BEAN1: variants seen among roughly 807,000 people sequenced by gnomAD.
The protein encoded by BEAN1 is protein BEAN1.
Under a neutral mutation model 17.7 loss-of-function variants are expected in BEAN1, and 17 were observed. The ratio of observed to expected loss-of-function variants is 0.96; its 90% confidence interval spans 0.66 to 1.44. The LOEUF (loss-of-function observed/expected upper bound fraction) is 1.44, where lower values mean the gene tolerates loss of function less well. Ranked by LOEUF, BEAN1 falls within the 40% of genes most tolerant of loss-of-function variation. The probability of loss-of-function intolerance (pLI) is 0.00; values close to 1 mark genes in which losing one functional copy is unlikely to be tolerated. For synonymous variants in BEAN1, 142 were observed against 151.8 expected (o/e 0.94, Z 0.47); for missense variants, 359 against 374.1 (o/e 0.96, Z 0.33).
downstream of BEAN1, among the ~76,000 whole-genome samples, chr16:66,487,379 G>A (rs1350156683): frequency 6.6e-6 from 1 of 152,154 alleles, no homozygotes; most frequent in Non-Finnish European, 1.5e-5. Context: ...CAGACTAGGG[G>A]CCTGGAATTG....
At chr16:66,489,165 T>C (rs1336960737) in intron 4 of BEAN1, among the ~76,000 whole-genome samples, 1 of 144,610 alleles carries the variant, frequency 6.9e-6, no homozygotes, top group Non-Finnish European at 1.5e-5. Flanking sequence ...AGAGCGAAAC[T>C]CCATCTCAAA....
rs1416133590 is a variant in BEAN1 at position 66,482,718 on chromosome 16, A to G, written c.*1793A>G. On this transcript the variant is annotated 3_prime_UTR_variant, in exon 5 of 5. Coordinates refer to ENST00000536005, the MANE Select transcript of BEAN1 (RefSeq NM_001178020.3). ...CTACTCATCAGTGTTTGAAAGATGG[A>G]GCTGAATAGCTTTTCTTGTTCCTGG... The G allele has an allele frequency of 1.1e-5, 4 of 376,498 alleles. No individual in the cohort carries two copies. The highest frequency in any genetic ancestry group is 2.1e-5 in the Non-Finnish European group (4 of 193,464). 23.3% of individuals were successfully genotyped at this position (376,498 alleles called of 1,614,324 possible).
At chr16:66,428,299 G>T (rs570802922) in intron 1 of BEAN1, 1 of 152,648 alleles carries the variant, frequency 6.6e-6, no homozygotes, top group African/African-American at 2.4e-5. Flanking sequence ...TGCCGGCGTG[G>T]GTGGCGGGGC....
intron 3 of BEAN1, among the ~76,000 whole-genome samples, chr16:66,474,753 G>A (rs1034502439): frequency 1.3e-5 from 2 of 152,006 alleles, no homozygotes; most frequent in Non-Finnish European, 2.9e-5. Flanking sequence ...GAGAAAGAAA[G>A]AAAGAAAGAA....
In BEAN1 at chr16:66,427,411, G is replaced by C. The variant is rs1363425928; in HGVS notation, c.-103G>C. ...GAGCCGGCACTGCGGCGCACGGAGC[G>C]GAGCGCTGCAGCCAAGCCGAGTAAG... On this transcript the variant is annotated 5_prime_UTR_variant, in exon 1 of 5. Transcript: ENST00000536005. This position sits in a 1 kb window ranked among gnomAD's most constrained non-coding sequence, Gnocchi z 4.7. The C allele has an allele frequency of 2.6e-5, 4 of 151,366 alleles. No individual in the cohort carries two copies. Among genetic ancestry groups the C allele is most frequent in the Non-Finnish European group, 5.9e-5 (4 of 67,764 alleles). 9.4% of individuals were successfully genotyped at this position (151,366 alleles called of 1,614,324 possible). A position where few individuals can be genotyped will look rare whatever the true frequency, so the allele number is the denominator to read the frequency against.
chr16:66,443,172 G>C (rs1221221516), intron 2 of BEAN1, among the ~76,000 whole-genome samples: 1 of 152,230 alleles, frequency 6.6e-6, no homozygotes, highest in African/African-American at 2.4e-5. Flanking sequence ...GTGTGACTTT[G>C]GAGTGAGCAA....
Position 66,481,060 on chromosome 16 carries a change from A to ATC in BEAN1, c.*135_*136insTC. On this transcript the variant is annotated 3_prime_UTR_variant, in exon 5 of 5. Coordinates refer to ENST00000536005, the MANE Select transcript of BEAN1 (RefSeq NM_001178020.3). This position sits in a 1 kb window ranked among gnomAD's most constrained non-coding sequence, Gnocchi z 4.1. ...ACATAGACCAAACTTGTATACACACAGACATCTACACTGACATACCCCATG... is the reference window on the plus strand; with the variant it reads ...ACATAGACCAAACTTGTATACACACATCGACATCTACACTGACATACCCCATG... The ATC allele has an allele frequency of 1.6e-6, 1 of 613,306 alleles. No individual in the cohort carries two copies. The highest frequency in any genetic ancestry group is 2.5e-6 in the Non-Finnish European group (1 of 393,640). 38.0% of individuals were successfully genotyped at this position (613,306 alleles called of 1,614,324 possible). A position where few individuals can be genotyped will look rare whatever the true frequency, so the allele number is the denominator to read the frequency against.
In BEAN1 at chr16:66,482,803, C is replaced by T. The variant is rs1964026633; in HGVS notation, c.*1878C>T. 2 of 446,980 alleles carry T rather than the reference C, an allele frequency of 4.5e-6. No individual in the cohort carries two copies. The highest frequency in any genetic ancestry group is 2.5e-5 in the Admixed American group (1 of 39,958). 27.7% of individuals were successfully genotyped at this position (446,980 alleles called of 1,614,324 possible). A position where few individuals can be genotyped will look rare whatever the true frequency, so the allele number is the denominator to read the frequency against. ...TGTGTTCAAAATAAATACATAATATCAATAAAATGTAGCAAGAAGTAACAC... is the reference window on the plus strand; with the variant it reads ...TGTGTTCAAAATAAATACATAATATTAATAAAATGTAGCAAGAAGTAACAC... On this transcript the variant is annotated 3_prime_UTR_variant, in exon 5 of 5. Coordinates refer to ENST00000536005, the MANE Select transcript of BEAN1 (RefSeq NM_001178020.3).
intron 2 of BEAN1, among the ~76,000 whole-genome samples, chr16:66,445,514 A>T (rs1207144404): frequency 3.0e-5 from 4 of 132,000 alleles, no homozygotes; most frequent in Non-Finnish European, 6.4e-5. Context: ...AAAAAAAAAA[A>T]AGCAGAGTGA....
intron 2 of BEAN1, among the ~76,000 whole-genome samples, chr16:66,449,522 T>A (rs1472601397): frequency 6.8e-6 from 1 of 147,010 alleles, no homozygotes; most frequent in African/African-American, 2.5e-5. Flanking sequence ...CAGGAGAATC[T>A]CTTGAACCCA....
intron 3 of BEAN1, among the ~76,000 whole-genome samples, chr16:66,477,338 C>G (rs1364908358): frequency 6.6e-6 from 1 of 152,206 alleles, no homozygotes; most frequent in Non-Finnish European, 1.5e-5. Flanking sequence ...CTGGCCAGGA[C>G]AGGGCCAGCT....
chr16:66,469,492 C>T, intron 2 of BEAN1, 110 bp from the exon 3 acceptor site: 4 of 1,319,596 alleles, frequency 3.0e-6, no homozygotes, highest in Non-Finnish European at 4.1e-6. Context: ...TGAGCCCAGA[C>T]CCTCCTCCAT....
At chr16:66,453,467 T>A (rs1020713237) in intron 2 of BEAN1, among the ~76,000 whole-genome samples, 3 of 152,060 alleles carry the variant, frequency 2.0e-5, no homozygotes, top group African/African-American at 7.2e-5. Flanking sequence ...CAAGCAGTCC[T>A]CCCACTTCAG....
intron 3 of BEAN1, among the ~76,000 whole-genome samples, chr16:66,470,711 A>T (rs1275750492): frequency 6.6e-6 from 1 of 152,210 alleles, no homozygotes; most frequent in Non-Finnish European, 1.5e-5. Flanking sequence ...CCAGTCCCAA[A>T]TCTGTGCATG....
In BEAN1 at chr16:66,434,358, CACCCAGCTCCTTTGTCTTGATGACCCCG is replaced by C. The variant is rs1052682971; in HGVS notation, c.-82-3234_-82-3207del. ...GGCACTTGCTTACCTGGAGCCCCCA[CACCCAGCTCCTTTGTCTTGATGACCCCG>C]ACAAAGCTCTACCCTAGCAGAGGGT... On this transcript the variant is annotated intron_variant, in intron 1 of 4. Transcript: ENST00000536005. This position sits in a 1 kb window ranked among gnomAD's most constrained non-coding sequence, Gnocchi z 4.3. Among the ~76,000 whole-genome samples the C allele has an allele frequency of 6.6e-6, 1 of 152,186 alleles. No individual in the cohort carries two copies. Among genetic ancestry groups the C allele is most frequent in the African/African-American group, 2.4e-5 (1 of 41,440 alleles).
chr16:66,491,999 G>T (rs1007186356), intron 4 of BEAN1, among the ~76,000 whole-genome samples: 1 of 152,098 alleles, frequency 6.6e-6, no homozygotes, highest in Non-Finnish European at 1.5e-5. Context: ...GAGGAGTTGG[G>T]CTTTAGAGAG....
chr16:66,474,637 G>GGAGGGAGGGAGGGAGGGAGGGAGA (rs1567505378), intron 3 of BEAN1, among the ~76,000 whole-genome samples: 1 of 56,438 alleles, frequency 1.8e-5, no homozygotes, highest in Non-Finnish European at 3.5e-5. Flanking sequence ...AGGGAGGGAG[G>GGAGGGAGGGAGGGAGGGAGGGAGA]GAGGGAGGGA....
intron 2 of BEAN1, among the ~76,000 whole-genome samples, chr16:66,454,479 A>C (rs1201748063): frequency 2.0e-5 from 3 of 152,114 alleles, no homozygotes; most frequent in Non-Finnish European, 4.4e-5. Context: ...GTCATTATGA[A>C]ATGTCTTTGT....
chr16:66,461,024 TG>T (rs1765557166), intron 2 of BEAN1, among the ~76,000 whole-genome samples: 1 of 152,212 alleles, frequency 6.6e-6, no homozygotes, highest in African/African-American at 2.4e-5. Context: ...TTACTCATGC[TG>T]GCATTGGGGG....
Sources: gnomAD v4.1 joint callset for allele counts (sites outside exome capture counted in the v4.1 genomes callset) on GRCh38, gnomAD v4.1.1 for gene constraint, Gnocchi (gnomAD v3.1) non-coding constraint, MANE v1.5 for transcripts, NCBI Gene and HGNC (gene_info 2026-07-23, HGNC 2026-07-21) for gene names.